Variants in MLLT10 observed in about 807,000 individuals in gnomAD.
MLLT10 encodes MLLT10 histone lysine methyltransferase DOT1L cofactor, also known as protein AF-10.
Under a neutral mutation model 129.1 loss-of-function variants are expected in MLLT10, and 30 were observed. That is an observed-to-expected ratio of 0.23 (90% CI 0.17 to 0.32). The LOEUF (loss-of-function observed/expected upper bound fraction) is 0.32. MLLT10 is among the 10% of genes least tolerant of loss of function. MLLT10 has a pLI of 1.00. For missense variants in MLLT10, 1,119 were observed against 1,268.3 expected (o/e 0.88, Z 1.79); for synonymous variants, 490 against 446.4 (o/e 1.10, Z -1.23).
intron 3 of MLLT10, among the ~76,000 whole-genome samples, chr10:21,553,817 T>A (rs554097652): frequency 1.3e-5 from 2 of 151,982 alleles, no homozygotes; most frequent in South Asian, 2.1e-4. Context: ...GCCTGGCTAA[T>A]TTTTGTATTT....
chr10:21,666,027 T>C (rs1428334023), intron 9 of MLLT10, among the ~76,000 whole-genome samples: 1 of 152,198 alleles, frequency 6.6e-6, no homozygotes, highest in African/African-American at 2.4e-5. Flanking sequence ...TAATCTAACA[T>C]TTGCTAATCC....
At chr10:21,704,934 G>C (rs2055349967) in intron 13 of MLLT10, among the ~76,000 whole-genome samples, 1 of 152,156 alleles carries the variant, frequency 6.6e-6, no homozygotes, top group Non-Finnish European at 1.5e-5. Context: ...ACCAGCCTTT[G>C]CACCTCAGTC....
intron 21 of MLLT10, among the ~76,000 whole-genome samples, chr10:21,737,661 C>G (rs1438619417): frequency 6.6e-6 from 1 of 152,060 alleles, no homozygotes; most frequent in Non-Finnish European, 1.5e-5. Context: ...AAATAGAGAA[C>G]TTGTAGAAGG....
At chr10:21,723,219 A>T (rs975729875) in intron 14 of MLLT10, among the ~76,000 whole-genome samples, 2 of 152,092 alleles carry the variant, frequency 1.3e-5, no homozygotes, top group African/African-American at 2.4e-5. Flanking sequence ...ACTCCTTTCT[A>T]TTTTGATCTT....
At chr10:21,630,988 A>C (rs914605355) in intron 8 of MLLT10, among the ~76,000 whole-genome samples, 1 of 152,130 alleles carries the variant, frequency 6.6e-6, no homozygotes. Context: ...AGGTCTTACC[A>C]AGATCACATG....
At position 21,638,496 on chromosome 10, in the gene MLLT10, G is replaced by T. The variant is rs1319907718; in HGVS notation, c.700-13177G>T. On this transcript the variant is annotated intron_variant, in intron 8 of 22. Transcript: ENST00000307729. ...AATCCTGGGATCTTTTCCTTTCATG[G>T]GTCCAGGTGGGATAGTGATCTGGGT... Among the ~76,000 whole-genome samples, 14 of 151,924 alleles carry T rather than the reference G, an allele frequency of 9.2e-5. No homozygotes were observed. The East Asian group carries it at 2.7e-3, about 30-fold the overall frequency.
At chr10:21,613,633 G>A (rs371743167) in intron 6 of MLLT10, among the ~76,000 whole-genome samples, 25 of 151,224 alleles carry the variant, frequency 1.7e-4, no homozygotes, top group East Asian at 1.3e-3. Flanking sequence ...TAGGCACTGT[G>A]GCTTACGCCT....
At chr10:21,631,316 A>T in intron 8 of MLLT10, among the ~76,000 whole-genome samples, 1 of 147,874 alleles carries the variant, frequency 6.8e-6, no homozygotes, top group Admixed American at 6.7e-5. Context: ...TCCGTCTCAA[A>T]AAAAAAAAAA....
At chr10:21,556,836 C>G (rs1343697892) in intron 3 of MLLT10, 1 of 1,554,866 alleles carries the variant, frequency 6.4e-7, no homozygotes, top group Non-Finnish European at 8.7e-7. Context: ...TCATTTACCA[C>G]TTGTCATATG....
intron 3 of MLLT10, among the ~76,000 whole-genome samples, chr10:21,561,179 T>C (rs924921863): frequency 6.6e-6 from 1 of 152,200 alleles, no homozygotes; most frequent in Non-Finnish European, 1.5e-5. Context: ...TTGTCAAATT[T>C]AGTGCAGTGA....
At chr10:21,621,620 G>A (rs60524656) in intron 8 of MLLT10, among the ~76,000 whole-genome samples, 9 of 69,478 alleles carry the variant, frequency 1.3e-4, no homozygotes, top group Middle Eastern at 7.6e-3. Flanking sequence ...CCCCCACCCC[G>A]CCCCCGCCCC....
chr10:21,631,357 G>T (rs564755259), intron 8 of MLLT10, among the ~76,000 whole-genome samples: 2 of 144,288 alleles, frequency 1.4e-5, no homozygotes, highest in African/African-American at 5.1e-5. Flanking sequence ...GGCAGACGAA[G>T]AGATAAAGAG....
At chr10:21,664,483 G>C (rs947275512) in intron 9 of MLLT10, among the ~76,000 whole-genome samples, 4 of 151,744 alleles carry the variant, frequency 2.6e-5, no homozygotes, top group Non-Finnish European at 4.4e-5. Context: ...TTTTAGTAGG[G>C]ACAGGGTTTC....
intron 3 of MLLT10, among the ~76,000 whole-genome samples, chr10:21,581,191 G>T (rs1038059373): frequency 2.0e-5 from 3 of 151,654 alleles, no homozygotes; most frequent in East Asian, 1.9e-4. Flanking sequence ...GACTACAGGC[G>T]CCCACTATCA....
intron 20 of MLLT10, among the ~76,000 whole-genome samples, 191 bp downstream of exon 20, chr10:21,734,320 T>C (rs2058187507): frequency 6.6e-6 from 1 of 152,224 alleles, no homozygotes; most frequent in Admixed American, 6.5e-5. Flanking sequence ...TTAAGTTACT[T>C]TTAGTAACAG....
chr10:21,634,091 C>A (rs61527072), intron 8 of MLLT10, among the ~76,000 whole-genome samples: 4 of 152,062 alleles, frequency 2.6e-5, no homozygotes, highest in Non-Finnish European at 5.9e-5. Context: ...AATACAAAAA[C>A]TAGCCGAGTG....
At chr10:21,694,793 A>G (rs989163341) in intron 13 of MLLT10, among the ~76,000 whole-genome samples, 7 of 152,136 alleles carry the variant, frequency 4.6e-5, no homozygotes, top group Admixed American at 1.3e-4. Context: ...ATCATATTTT[A>G]CCAGTAGAAG....
chr10:21,692,923 A>G (rs2054014044), intron 13 of MLLT10, among the ~76,000 whole-genome samples: 1 of 152,190 alleles, frequency 6.6e-6, no homozygotes, highest in African/African-American at 2.4e-5. Flanking sequence ...TTATGTTGAT[A>G]ACCACCATAT....
chr10:21,545,478 G>C (rs1356636500), intron 3 of MLLT10, among the ~76,000 whole-genome samples: 1 of 152,156 alleles, frequency 6.6e-6, no homozygotes, highest in Non-Finnish European at 1.5e-5. Context: ...TAGAACCCTG[G>C]TTGTAGGGCA....
Sources: allele counts gnomAD v4.1 joint callset (sites outside exome capture counted in the v4.1 genomes callset), GRCh38; gene constraint gnomAD v4.1.1; transcripts MANE v1.5; gene names NCBI Gene and HGNC (gene_info 2026-07-23, HGNC 2026-07-21).